Variants in DCAF1 observed in about 807,000 individuals in gnomAD.
DCAF1 encodes DDB1- and CUL4-associated factor 1.
In DCAF1, 15 loss-of-function variants were observed where a neutral mutation model predicts 128.0. That is an observed-to-expected ratio of 0.12 (90% CI 0.08 to 0.18). The LOEUF is 0.18. Among genes scored for constraint, DCAF1 ranks in the 10% least tolerant of loss-of-function variants. DCAF1 has a pLI of 1.00. For missense variants in DCAF1, 988 were observed against 1,649.5 expected (o/e 0.60, Z 6.95); for synonymous variants, 610 against 603.0 (o/e 1.01, Z -0.17).
chr3:51,474,256 T>C (rs973833191), intron 3 of DCAF1, among the ~76,000 whole-genome samples: 1 of 151,886 alleles, frequency 6.6e-6, no homozygotes, highest in Non-Finnish European at 1.5e-5. Context: ...CCGTCTCTGC[T>C]AAAAATACAA....
chr3:51,402,951 G>T (rs1415412133), intron 24 of DCAF1, among the ~76,000 whole-genome samples, 192 bp downstream of exon 24: 1 of 152,158 alleles, frequency 6.6e-6, no homozygotes, highest in Non-Finnish European at 1.5e-5. Flanking sequence ...ACAGCCATTT[G>T]GTTGGGTTCC....
chr3:51,494,395 T>C (rs1420284515), intron 2 of DCAF1, among the ~76,000 whole-genome samples: 1 of 152,024 alleles, frequency 6.6e-6, no homozygotes, highest in Admixed American at 6.6e-5. Flanking sequence ...ATTACAGGTG[T>C]GAGCCACCGC....
chr3:51,403,651 A>C (rs1380269265), intron 23 of DCAF1, among the ~76,000 whole-genome samples: 1 of 152,068 alleles, frequency 6.6e-6, no homozygotes, highest in Non-Finnish European at 1.5e-5. Context: ...GAAACAGACA[A>C]CTCGCTTCAC....
At chr3:51,449,835 TAA>T (rs1702189669) in intron 6 of DCAF1, among the ~76,000 whole-genome samples, 1 of 151,844 alleles carries the variant, frequency 6.6e-6, no homozygotes, top group African/African-American at 2.4e-5. Context: ...TTTATAGAAA[TAA>T]AAAGATTTAT....
intron 6 of DCAF1, among the ~76,000 whole-genome samples, chr3:51,452,938 C>T (rs782355290): frequency 6.6e-6 from 1 of 151,740 alleles, no homozygotes; most frequent in Non-Finnish European, 1.5e-5. Flanking sequence ...ATCACTTGAA[C>T]CCAGGAGGTG....
intron 5 of DCAF1, among the ~76,000 whole-genome samples, chr3:51,465,309 T>C (rs1389998623): frequency 6.6e-6 from 1 of 152,170 alleles, no homozygotes; most frequent in African/African-American, 2.4e-5. Flanking sequence ...AAACAGATTA[T>C]GGAGCAAATG....
At chr3:51,408,849 A>G (rs1430062683) in intron 23 of DCAF1, among the ~76,000 whole-genome samples, 1 of 152,254 alleles carries the variant, frequency 6.6e-6, no homozygotes, top group African/African-American at 2.4e-5. Context: ...ATGATCAATA[A>G]AAGCTGTAAT....
rs1186495538 is a variant in DCAF1 at position 51,494,229 on chromosome 3, T to C, written c.-9+2505A>G. On this transcript the variant is annotated intron_variant, in intron 2 of 24. Transcript: ENST00000684031. ...TCCCGGGTTCATGCCATTCTCCTGC[T>C]TCAGCCTCCCGAGTAGCTGGGACTA... Among the ~76,000 whole-genome samples, 10 of 150,862 alleles carry C rather than the reference T, an allele frequency of 6.6e-5. 1 individual carries two copies. The highest frequency in any genetic ancestry group is 4.2e-4 in the South Asian group (2 of 4,746).
chr3:51,443,818 G>A lies in DCAF1; in HGVS notation c.461C>T (p.Ala154Val). Reference protein sequence around the residue: ...RTYSTGLLGGAMENQDIAANY... With the variant: ...RTYSTGLLGGVMENQDIAANY... ...GGCAGCAATGTCTTGATTTTCCATA[G>A]CACCTCCTAACAGTCCAGTAGAATA... The change falls in exon 7 of 25, where the codon GCT becomes GTT. Residue 154 changes from alanine to valine, a missense_variant. Physicochemically the swap from Ala to Val is moderately conservative, Grantham distance 64. Coordinates refer to ENST00000684031, the MANE Select transcript of DCAF1 (RefSeq NM_001387579.1). 6.2e-7 allele frequency: 1 copy of A among 1,612,214 alleles called. No individual in the cohort carries two copies. Among genetic ancestry groups the A allele is most frequent in the South Asian group, 1.1e-5 (1 of 90,654 alleles).
chr3:51,495,483 T>C (rs1199563917), intron 2 of DCAF1, among the ~76,000 whole-genome samples: 1 of 151,458 alleles, frequency 6.6e-6, no homozygotes, highest in Non-Finnish European at 1.5e-5. Context: ...TTGTCTTTAT[T>C]ATTTAAATAC....
chr3:51,401,946 T>C (rs782244865), intron 24 of DCAF1, among the ~76,000 whole-genome samples: 4 of 152,146 alleles, frequency 2.6e-5, no homozygotes, highest in Non-Finnish European at 4.4e-5. Flanking sequence ...GATGAACATA[T>C]AGAAGACACT....
At chr3:51,433,622 C>A (rs2107590971) in intron 9 of DCAF1, among the ~76,000 whole-genome samples, 1 of 151,648 alleles carries the variant, frequency 6.6e-6, no homozygotes, top group South Asian at 2.1e-4. Flanking sequence ...CCACCACGTC[C>A]AGCTAATTTT....
intron 5 of DCAF1, 65 bp downstream of exon 5, chr3:51,466,738 A>G: frequency 6.4e-7 from 1 of 1,554,800 alleles, no homozygotes; most frequent in Non-Finnish European, 8.8e-7. Context: ...CTATTCACGA[A>G]AAAACAATAA....
chr3:51,425,327 C>A (rs1394769549), intron 13 of DCAF1, among the ~76,000 whole-genome samples: 1 of 151,804 alleles, frequency 6.6e-6, no homozygotes, highest in Non-Finnish European at 1.5e-5. Context: ...CAAAAAGTAG[C>A]TGGGCTTGGT....
intron 3 of DCAF1, among the ~76,000 whole-genome samples, chr3:51,478,951 T>C (rs188356715): frequency 3.3e-5 from 5 of 152,310 alleles, no homozygotes; most frequent in Admixed American, 2.6e-4. Context: ...CATAATATTA[T>C]AGTTCTTTCT....
At chr3:51,440,123 T>A (rs1553638220) in intron 9 of DCAF1, 2 of 503,456 alleles carry the variant, frequency 4.0e-6, no homozygotes, top group Non-Finnish European at 7.9e-6. Flanking sequence ...ATGTCTAGAT[T>A]CACTTTTTAT....
In DCAF1 at chr3:51,420,847, C is replaced by A; in HGVS notation, c.2123G>T (p.Arg708Leu). Residue 708 changes from arginine to leucine, a missense_variant, in exon 15 of 25, where the codon CGG (arginine) becomes CTG (leucine). Transcript: ENST00000684031. This position sits in a 1 kb window ranked among gnomAD's most constrained non-coding sequence, Gnocchi z 6.5. ...TTTAGGGTTCTGAGGCAGCTTTCTC[C>A]GAGGAGTACCAGAGATAAATTTACC... Reference protein sequence around the residue: ...SIGKFISGTPRRKLPQNPKSS... With the variant: ...SIGKFISGTPLRKLPQNPKSS... The A allele has an allele frequency of 6.2e-7, 1 of 1,613,976 alleles. No homozygotes were observed. The highest frequency in any genetic ancestry group is 8.5e-7 in the Non-Finnish European group (1 of 1,179,896).
chr3:51,396,530 C>G (rs1553623020), downstream of DCAF1: 1 of 167,156 alleles, frequency 6.0e-6, no homozygotes, highest in African/African-American at 2.4e-5. Flanking sequence ...TCCAGTGCCC[C>G]CACCCAGGGT....
chr3:51,504,557 A>G (rs1182693740), upstream of DCAF1, among the ~76,000 whole-genome samples: 1 of 152,164 alleles, frequency 6.6e-6, no homozygotes, highest in Non-Finnish European at 1.5e-5. Flanking sequence ...CATGTTGGCC[A>G]GGCTGGTCTC....
Sources: allele counts gnomAD v4.1 joint callset (sites outside exome capture counted in the v4.1 genomes callset), GRCh38; gene constraint gnomAD v4.1.1; non-coding constraint Gnocchi (gnomAD v3.1); transcripts MANE v1.5; gene names NCBI Gene and HGNC (gene_info 2026-07-23, HGNC 2026-07-21).